Variants in EXOC6 observed in about 807,000 individuals in gnomAD.
EXOC6 encodes the protein SEC15-like 1.
In EXOC6, 60 loss-of-function variants were observed where a neutral mutation model predicts 112.5. The ratio of observed to expected loss-of-function variants is 0.53; its 90% confidence interval spans 0.43 to 0.66. The LOEUF (loss-of-function observed/expected upper bound fraction) is 0.66, where lower values mean the gene tolerates loss of function less well. Among genes scored for constraint, EXOC6 ranks in the 30% least tolerant of loss-of-function variants. The pLI, the probability that EXOC6 is intolerant of heterozygous loss-of-function variation, is 0.00. For missense variants in EXOC6, 855 were observed against 957.1 expected, an observed-to-expected ratio of 0.89 and a Z score of 1.41; for synonymous variants, 295 against 308.0, an observed-to-expected ratio of 0.96 and a Z score of 0.44.
intron 20 of EXOC6, among the ~76,000 whole-genome samples, chr10:93,048,403 A>G (rs1670610639): frequency 6.6e-6 from 1 of 152,062 alleles, no homozygotes; most frequent in African/African-American, 2.4e-5. Context: ...AATTGATAAG[A>G]ATTTATTAAC....
chr10:92,969,229 G>T (rs1056419721), intron 17 of EXOC6, among the ~76,000 whole-genome samples: 2 of 152,096 alleles, frequency 1.3e-5, no homozygotes, highest in African/African-American at 4.8e-5. Flanking sequence ...AGCCACTTTA[G>T]TGCTTTGAGG....
chr10:92,890,444 A>T (rs755607531), intron 1 of EXOC6, among the ~76,000 whole-genome samples: 15 of 152,178 alleles, frequency 9.9e-5, no homozygotes, highest in Non-Finnish European at 2.2e-4. Context: ...CTGTTATATG[A>T]TAGACACTAT....
At chr10:92,964,194 T>C (rs1328036084) in intron 17 of EXOC6, among the ~76,000 whole-genome samples, 1 of 151,740 alleles carries the variant, frequency 6.6e-6, no homozygotes, top group Non-Finnish European at 1.5e-5. Flanking sequence ...CAACTTCTTT[T>C]GATTGCCACA....
At chr10:92,839,312 G>C (rs1255218717) in intron 1 of EXOC6, among the ~76,000 whole-genome samples, 2 of 152,100 alleles carry the variant, frequency 1.3e-5, no homozygotes, top group African/African-American at 2.4e-5. Flanking sequence ...CTTCCGCTAG[G>C]GGGCGTGACT....
At chr10:92,856,546 G>C (rs1032354736) in intron 1 of EXOC6, among the ~76,000 whole-genome samples, 1 of 152,138 alleles carries the variant, frequency 6.6e-6, no homozygotes, top group Non-Finnish European at 1.5e-5. Flanking sequence ...ATTGCAGTCA[G>C]AGATAATAAT....
At chr10:92,931,421 A>G (rs1307392843) in intron 9 of EXOC6, among the ~76,000 whole-genome samples, 1 of 150,706 alleles carries the variant, frequency 6.6e-6, no homozygotes, top group Admixed American at 6.6e-5. Flanking sequence ...AATTGTACAT[A>G]TCTATGGGAC....
At chr10:93,015,778 C>T (rs1844483583) in intron 20 of EXOC6, among the ~76,000 whole-genome samples, 1 of 150,912 alleles carries the variant, frequency 6.6e-6, no homozygotes, top group Non-Finnish European at 1.5e-5. Flanking sequence ...ATTGGTATAT[C>T]TTCAAGTCAG....
chr10:92,999,707 A>ATT lies in EXOC6; in HGVS notation c.2095+2105_2095+2106dup, dbSNP rs11399257. 5.7e-3 allele frequency among the ~76,000 whole-genome samples: 823 copies of ATT among 145,372 alleles called. 14 individuals are homozygous for ATT. Among genetic ancestry groups the ATT allele is most frequent in the African/African-American group, 0.016 (629 of 39,458 alleles). ...TGTTGTTAATCTCTTATTGTGCCTAATTTTTTTTTTTTTTGAGGCAGGGTC... is the reference window on the plus strand; with the variant it reads ...TGTTGTTAATCTCTTATTGTGCCTAATTTTTTTTTTTTTTTTGAGGCAGGGTC... On this transcript the variant is annotated intron_variant, in intron 19 of 21. Transcript: ENST00000260762.
At chr10:92,938,603 C>T (rs1391887545) in intron 12 of EXOC6, among the ~76,000 whole-genome samples, 1 of 152,126 alleles carries the variant, frequency 6.6e-6, no homozygotes, top group African/African-American at 2.4e-5. Context: ...ATATTCCTTA[C>T]TGCCTATTAG....
chr10:92,921,331 G>A (rs1215409310), intron 8 of EXOC6, among the ~76,000 whole-genome samples: 5 of 138,142 alleles, frequency 3.6e-5, no homozygotes, highest in African/African-American at 1.4e-4. Flanking sequence ...TGCAACCTCC[G>A]CCTCCTGGGT....
intron 6 of EXOC6, among the ~76,000 whole-genome samples, chr10:92,914,311 A>G (rs1850963082): frequency 1.3e-5 from 2 of 152,222 alleles, no homozygotes; most frequent in Admixed American, 1.3e-4. Context: ...AAGCCTGGGG[A>G]CCACTGCTCT....
In EXOC6 at chr10:93,059,060, G is replaced by C. The variant is rs1162991663; in HGVS notation, c.*705G>C. ...TTGTAGGTGACCCCATTCTGGATTT[G>C]TTTGGTTTGGTTTGGTTCCAGTTAA... On this transcript the variant is annotated 3_prime_UTR_variant, in exon 22 of 22. Coordinates refer to ENST00000260762, the MANE Select transcript of EXOC6 (RefSeq NM_019053.6). The C allele has an allele frequency of 1.3e-5, 2 of 152,200 alleles. No individual in the cohort carries two copies. The highest frequency in any genetic ancestry group is 1.3e-4 in the Admixed American group (2 of 15,280). The allele number at this position is 152,200 out of a possible 1,614,324, so 9.4% of individuals were successfully genotyped here. A position where few individuals can be genotyped will look rare whatever the true frequency, so the allele number is the denominator to read the frequency against.
intron 20 of EXOC6, among the ~76,000 whole-genome samples, chr10:93,038,261 A>G (rs975792587): frequency 1.3e-5 from 2 of 152,114 alleles, no homozygotes; most frequent in Non-Finnish European, 2.9e-5. Context: ...TCTTTTTGCT[A>G]CATAAAATAA....
chr10:92,871,323 T>C (rs78301294), intron 1 of EXOC6, among the ~76,000 whole-genome samples: 2 of 151,504 alleles, frequency 1.3e-5, no homozygotes, highest in African/African-American at 4.9e-5. Context: ...GCCCAGGAGT[T>C]TGAGACCAGC....
At position 92,893,476 on chromosome 10, in the gene EXOC6, A is replaced by T; in HGVS notation, c.229A>T (p.Ile77Phe). Residue 77 changes from isoleucine (I) to phenylalanine (F), a missense_variant, in exon 2 of 22, where the codon ATT becomes TTT. Physicochemically the swap from Ile to Phe is conservative, Grantham distance 21. Around this residue, in one of 2 missense-constraint regions of EXOC6, gnomAD observed 405 missense variants for 393.6 expected, o/e 1.03. Transcript: ENST00000260762. ...TCATCATCAGGGTTTTGTAGATGCT[A>T]TTACAGAACTCCTTAAAGTAAGGAC... is the stretch of plus-strand genomic sequence containing the variant. Reference protein sequence around the residue: ...NFHHQGFVDAITELLKVRTDA... With the variant: ...NFHHQGFVDAFTELLKVRTDA... 6.2e-7 allele frequency: 1 copy of T among 1,612,200 alleles called. No individual in the cohort carries two copies. The highest frequency in any genetic ancestry group is 8.5e-7 in the Non-Finnish European group (1 of 1,179,048).
At chr10:92,943,073 G>A (rs1205191374) in intron 13 of EXOC6, among the ~76,000 whole-genome samples, 2 of 150,082 alleles carry the variant, frequency 1.3e-5, no homozygotes, top group Non-Finnish European at 2.9e-5. Context: ...CTGTGCTGGA[G>A]TGCAGTGGCG....
At chr10:92,942,667 G>A (rs886685716) in intron 13 of EXOC6, among the ~76,000 whole-genome samples, 3 of 152,100 alleles carry the variant, frequency 2.0e-5, no homozygotes, top group Admixed American at 6.5e-5. Flanking sequence ...ATAATATGAT[G>A]TAATATGATA....
chr10:92,848,970 T>C (rs192878970), intron 1 of EXOC6, among the ~76,000 whole-genome samples: 2,690 of 152,176 alleles, frequency 0.018, 82 homozygotes, highest in African/African-American at 0.062. Context: ...AGGACACTTC[T>C]GGGGCCTGCC....
At chr10:92,975,614 T>TGGG (rs1842527399) in intron 18 of EXOC6, among the ~76,000 whole-genome samples, 1 of 112,560 alleles carries the variant, frequency 8.9e-6, no homozygotes, top group South Asian at 3.2e-4. Context: ...GGGAGGGAGG[T>TGGG]TGGGGGGTCA....
Sources: allele counts gnomAD v4.1 joint callset (sites outside exome capture counted in the v4.1 genomes callset), GRCh38; gene constraint gnomAD v4.1.1; regional missense constraint gnomAD v4.1.1; transcripts MANE v1.5; gene names NCBI Gene and HGNC (gene_info 2026-07-23, HGNC 2026-07-21).